The following SOS1 variants were observed in gnomAD, a reference collection of about 807,000 sequenced individuals.
SOS1 encodes SOS Ras/Rac guanine nucleotide exchange factor 1, also known as son of sevenless homolog 1.
SOS1 carries 25 observed loss-of-function variants against 157.6 expected under a neutral mutation model. The observed-to-expected ratio is 0.16, with a 90% confidence interval of 0.12 to 0.22. The LOEUF is 0.22. SOS1 is among the 10% of genes least tolerant of loss of function. SOS1 has a pLI of 1.00. For synonymous variants in SOS1, 528 were observed against 534.0 expected (o/e 0.99, Z 0.16); for missense variants, 1,237 against 1,599.1 (o/e 0.77, Z 3.86).
intron 6 of SOS1, among the ~76,000 whole-genome samples, chr2:39,038,238 A>G (rs1572843745): frequency 6.6e-6 from 1 of 152,306 alleles, no homozygotes; most frequent in South Asian, 2.1e-4. Flanking sequence ...TATCCACATT[A>G]ACAGGAGTTT....
Position 39,114,661 on chromosome 2 carries a change from G to C in SOS1, c.87+5675C>G, listed in dbSNP as rs141509759. Among the ~76,000 whole-genome samples, 782 of 152,088 alleles carry C rather than the reference G, an allele frequency of 5.1e-3. 2 individuals carry two copies. The highest frequency in any genetic ancestry group is 0.018 in the African/African-American group (751 of 41,482). ...GCTCTGTCACCCAGGCTGGAGTACA[G>C]TGGTGTGATCTCAGCTCACTGAAGC... is the stretch of plus-strand genomic sequence containing the variant. On this transcript the variant is annotated intron_variant, in intron 1 of 22. Coordinates refer to ENST00000402219, the MANE Select transcript of SOS1 (RefSeq NM_005633.4).
intron 1 of SOS1, among the ~76,000 whole-genome samples, chr2:39,117,270 C>T (rs899281157): frequency 1.3e-5 from 2 of 152,218 alleles, no homozygotes; most frequent in East Asian, 1.9e-4. Flanking sequence ...CCTCGTGATC[C>T]GCCCACCTTG....
intron 1 of SOS1, among the ~76,000 whole-genome samples, chr2:39,116,874 G>T (rs929473553): frequency 6.6e-6 from 1 of 151,890 alleles, no homozygotes; most frequent in Admixed American, 6.6e-5. Context: ...ACAAACAAAA[G>T]AAACTTTATC....
chr2:39,046,832 A>G (rs1048707844), intron 6 of SOS1, among the ~76,000 whole-genome samples: 9 of 152,242 alleles, frequency 5.9e-5, no homozygotes, highest in Non-Finnish European at 8.8e-5. Flanking sequence ...ATTAGTTCTT[A>G]TATTTCTTGA....
chr2:39,088,875 A>G (rs1382391291), intron 1 of SOS1, among the ~76,000 whole-genome samples: 1 of 152,040 alleles, frequency 6.6e-6, no homozygotes, highest in Non-Finnish European at 1.5e-5. Flanking sequence ...TAGTTTTTTG[A>G]TGAACTGCCA....
intron 14 of SOS1, among the ~76,000 whole-genome samples, 193 bp from the exon 15 acceptor site, chr2:39,010,896 C>CTTCTTTTT (rs70954776): frequency 1.5e-5 from 2 of 132,918 alleles, no homozygotes; most frequent in Non-Finnish European, 3.0e-5. Flanking sequence ...TTTTTTTAAA[C>CTTCTTTTT]TTTTTTTTTT....
intron 8 of SOS1, among the ~76,000 whole-genome samples, chr2:39,024,889 T>C (rs943832533): frequency 2.6e-5 from 4 of 151,998 alleles, no homozygotes; most frequent in Non-Finnish European, 5.9e-5. Flanking sequence ...GAAGCTATAA[T>C]ATACATATTT....
At chr2:39,001,395 T>C (rs1355668881) in intron 17 of SOS1, among the ~76,000 whole-genome samples, 2 of 152,190 alleles carry the variant, frequency 1.3e-5, no homozygotes, top group Non-Finnish European at 2.9e-5. Flanking sequence ...ACCTATCCAT[T>C]CTCCTATCAG....
At chr2:39,030,376 C>A (rs1414577440) in intron 8 of SOS1, among the ~76,000 whole-genome samples, 1 of 151,798 alleles carries the variant, frequency 6.6e-6, no homozygotes, top group Non-Finnish European at 1.5e-5. Context: ...TCAGCCTGGG[C>A]AACAAAATGG....
At chr2:39,056,411 C>T (rs776378500) in intron 4 of SOS1, among the ~76,000 whole-genome samples, 8 of 151,038 alleles carry the variant, frequency 5.3e-5, no homozygotes, top group African/African-American at 1.2e-4. Flanking sequence ...AGTGAGATTC[C>T]GTCTCAAAAA....
chr2:39,050,298 C>G (rs1241264025), intron 6 of SOS1, among the ~76,000 whole-genome samples: 1 of 152,128 alleles, frequency 6.6e-6, no homozygotes, highest in East Asian at 1.9e-4. Flanking sequence ...TTTGAAATAT[C>G]TGAGGAGTTA....
chr2:39,051,352 G>T, intron 5 of SOS1, 65 bp from the exon 6 acceptor site: 1 of 1,431,132 alleles, frequency 7.0e-7, no homozygotes. Context: ...CAAATTTTGA[G>T]CCAATAAGTC....
At position 38,985,701 on chromosome 2, in the gene SOS1, T is replaced by C. The variant is rs1288029150; in HGVS notation, c.*123A>G. ...AAAATTCATTGTCTTATACTGCATC[T>C]TGAAGAAGAGTCGTTAGTGTTTGGA... On this transcript the variant is annotated 3_prime_UTR_variant, in exon 23 of 23. Transcript: ENST00000402219. The C allele has an allele frequency of 3.7e-6, 4 of 1,094,782 alleles. No individual in the cohort carries two copies. The East Asian group carries it at 9.5e-5, about 26-fold the overall frequency. 67.8% of individuals were successfully genotyped at this position (1,094,782 alleles called of 1,614,324 possible).
At chr2:39,119,507 A>G (rs1170999964) in intron 1 of SOS1, among the ~76,000 whole-genome samples, 1 of 152,260 alleles carries the variant, frequency 6.6e-6, no homozygotes, top group South Asian at 2.1e-4. Context: ...TAGAAACACT[A>G]TTAGAAGAGT....
intron 2 of SOS1, among the ~76,000 whole-genome samples, chr2:39,062,248 T>C (rs1458684104): frequency 6.6e-6 from 1 of 151,306 alleles, no homozygotes. Context: ...TAAAACCCTG[T>C]CTCTACTAAA....
At chr2:39,119,808 C>G (rs1350536049) in intron 1 of SOS1, among the ~76,000 whole-genome samples, 1 of 152,154 alleles carries the variant, frequency 6.6e-6, no homozygotes, top group Non-Finnish European at 1.5e-5. Flanking sequence ...CCCTGTTAAT[C>G]GGAGGAGCGG....
intron 17 of SOS1, among the ~76,000 whole-genome samples, chr2:38,998,309 G>A (rs991148704): frequency 6.6e-6 from 1 of 151,984 alleles, no homozygotes; most frequent in African/African-American, 2.4e-5. Context: ...GAGTGCAATG[G>A]CACGATCTTG....
At chr2:39,090,231 C>A (rs1462576848) in intron 1 of SOS1, among the ~76,000 whole-genome samples, 1 of 151,972 alleles carries the variant, frequency 6.6e-6, no homozygotes, top group Admixed American at 6.6e-5. Flanking sequence ...GCGCCTAGGG[C>A]TAGTTTAGTT....
intron 10 of SOS1, among the ~76,000 whole-genome samples, chr2:39,015,715 G>C (rs930429006): frequency 1.4e-3 from 209 of 151,866 alleles, no homozygotes; most frequent in African/African-American, 4.9e-3. Flanking sequence ...TGCATAAAGA[G>C]GGGGAAAGAC....
Sources: allele counts gnomAD v4.1 joint callset (sites outside exome capture counted in the v4.1 genomes callset), GRCh38; gene constraint gnomAD v4.1.1; transcripts MANE v1.5; gene names NCBI Gene and HGNC (gene_info 2026-07-23, HGNC 2026-07-21).